Variants in ZNF782 observed in about 807,000 individuals in gnomAD.
ZNF782 encodes the protein zinc finger protein 782.
In ZNF782, 12 loss-of-function variants were observed where a neutral mutation model predicts 13.0. The observed-to-expected ratio is 0.92, with a 90% CI of 0.59 to 1.50. The LOEUF (loss-of-function observed/expected upper bound fraction) is 1.50. Ranked by LOEUF, ZNF782 falls within the 40% of genes most tolerant of loss-of-function variation. The probability of loss-of-function intolerance (pLI) is 0.00; values close to 1 mark genes in which losing one functional copy is unlikely to be tolerated. For missense variants in ZNF782, 770 were observed against 822.9 expected, an observed-to-expected ratio of 0.94 and a Z score of 0.79; for synonymous variants, 284 against 283.0, an observed-to-expected ratio of 1.00 and a Z score of -0.04.
At chr9:96,903,422 A>T in the ZNF782 span, among the ~76,000 whole-genome samples, 2 of 151,668 alleles carry the variant, frequency 1.3e-5, no homozygotes, top group Non-Finnish European at 2.9e-5. Flanking sequence ...TGTACCAAAG[A>T]TTACTTACTC....
upstream of ZNF782, among the ~76,000 whole-genome samples, chr9:96,875,900 C>T (rs1851887170): frequency 6.6e-6 from 1 of 152,244 alleles, no homozygotes; most frequent in African/African-American, 2.4e-5. Context: ...CATGCGCAGA[C>T]GTCATCCAGA....
upstream of ZNF782, among the ~76,000 whole-genome samples, chr9:96,859,445 G>A (rs964109945): frequency 5.3e-5 from 8 of 152,140 alleles, no homozygotes; most frequent in African/African-American, 1.9e-4. Context: ...GTAGGAGGGG[G>A]CACTGGTCAG....
At chr9:96,881,091 T>C in the ZNF782 span, among the ~76,000 whole-genome samples, 1 of 152,102 alleles carries the variant, frequency 6.6e-6, no homozygotes, top group Non-Finnish European at 1.5e-5. Context: ...GCTTTTAATG[T>C]CTGTAGGTTC....
At chr9:96,884,168 G>A in the ZNF782 span, among the ~76,000 whole-genome samples, 1 of 152,234 alleles carries the variant, frequency 6.6e-6, no homozygotes, top group South Asian at 2.1e-4. Context: ...GCAGAAGTGG[G>A]TGGCAGGAGG....
In ZNF782 at chr9:96,874,189, CTG is replaced by C. The variant is rs1851864436; in HGVS notation, c.-457+1277_-457+1278del. 2.0e-5 allele frequency among the ~76,000 whole-genome samples: 3 copies of C among 152,314 alleles called. 1 individual carries two copies. The highest frequency in any genetic ancestry group is 7.2e-5 in the African/African-American group (3 of 41,558). On this transcript the variant is annotated intron_variant, in intron 1 of 5. Coordinates refer to the ZNF782 transcript ENST00000498811. The stretch of plus-strand genomic sequence containing the variant: ...TGGACCTGTGACGGACTAAATGGCA[CTG>C]TGTTTGACTCGTGGATCTGACACAA...
the ZNF782 span, chr9:96,894,605 C>T: frequency 6.6e-6 from 1 of 152,232 alleles, no homozygotes; most frequent in African/African-American, 2.4e-5. Flanking sequence ...CTCTCTCCCT[C>T]GCTGTAAAAT....
chr9:96,832,205 T>C (rs1046581026), intron 4 of ZNF782, among the ~76,000 whole-genome samples: 2 of 152,224 alleles, frequency 1.3e-5, no homozygotes, highest in African/African-American at 4.8e-5. Context: ...CACAGTTCAC[T>C]GTGACAAGTG....
In ZNF782 at chr9:96,819,514, T is replaced by C. The variant is rs1301506932; in HGVS notation, c.509A>G (p.Lys170Arg). The C allele has an allele frequency of 1.9e-6, 3 of 1,613,220 alleles. No homozygotes were observed. The highest frequency in any genetic ancestry group is 2.2e-5 in the South Asian group (2 of 90,758). Residue 170 changes from lysine to arginine, a missense_variant, in exon 6 of 6, where the codon AAA (lysine) becomes AGA (arginine). Physicochemically the swap from Lys to Arg is conservative, Grantham distance 26. Transcript: ENST00000481138. The part of the protein sequence containing the change: ...EKAHERNVCD[K>R]WLISIKDGRT... ...GCCATCCTTAATACTGATGAGCCATTTGTCACAAACATTACGCTCATGAGC... is the reference window on the plus strand; with the variant it reads ...GCCATCCTTAATACTGATGAGCCATCTGTCACAAACATTACGCTCATGAGC...
chr9:96,842,678 C>T (rs1057335042), intron 4 of ZNF782, among the ~76,000 whole-genome samples: 1 of 152,074 alleles, frequency 6.6e-6, no homozygotes, highest in Non-Finnish European at 1.5e-5. Context: ...GATAGGACAA[C>T]ATTTTTACAA....
chr9:96,892,653 CTTTAA>C, the ZNF782 span: 12 of 150,656 alleles, frequency 8.0e-5, no homozygotes, highest in East Asian at 1.5e-3. Context: ...TTTATGAGTT[CTTTAA>C]TTTTTTTTCT....
the ZNF782 span, among the ~76,000 whole-genome samples, chr9:96,930,410 G>C: frequency 6.6e-6 from 1 of 151,770 alleles, no homozygotes; most frequent in South Asian, 2.1e-4. Context: ...TGTAATCCCA[G>C]CTACTCAGGA....
chr9:96,922,407 C>T, the ZNF782 span, among the ~76,000 whole-genome samples: 1 of 152,186 alleles, frequency 6.6e-6, no homozygotes. Context: ...CTTCATTCTA[C>T]TTTCTATGTC....
chr9:96,823,210 T>C (rs1197280124), intron 5 of ZNF782, among the ~76,000 whole-genome samples: 2 of 152,340 alleles, frequency 1.3e-5, no homozygotes, highest in African/African-American at 4.8e-5. Context: ...AATGAATAGC[T>C]ATGGCTGTGT....
chr9:96,920,415 C>CA, the ZNF782 span, among the ~76,000 whole-genome samples: 1 of 149,784 alleles, frequency 6.7e-6, no homozygotes, highest in African/African-American at 2.4e-5. Context: ...TACAGGCGCC[C>CA]ACCACCATGC....
the ZNF782 span, chr9:96,889,141 T>C: frequency 6.6e-6 from 1 of 152,228 alleles, no homozygotes; most frequent in African/African-American, 2.4e-5. Flanking sequence ...CTTATTTCTT[T>C]CTACATTACT....
chr9:96,856,635 T>A (rs1045963836), upstream of ZNF782, among the ~76,000 whole-genome samples: 1 of 152,232 alleles, frequency 6.6e-6, no homozygotes, highest in Admixed American at 6.5e-5. Flanking sequence ...CCATAACCCT[T>A]TCCTAAAGCT....
the ZNF782 span, among the ~76,000 whole-genome samples, chr9:96,917,586 C>T: frequency 6.6e-6 from 1 of 151,876 alleles, no homozygotes; most frequent in East Asian, 1.9e-4. Flanking sequence ...CGCCCACCAC[C>T]ACGCCCAGCT....
rs972176994 is a variant in ZNF782, at chr9:96,851,809, C to G, written c.15+138G>C. On this transcript the variant is annotated intron_variant, in intron 3 of 5. Coordinates refer to ENST00000481138, the MANE Select transcript of ZNF782 (RefSeq NM_001001662.3). Reference sequence around the variant, plus strand: ...CTACTAACCCTGACAAAGCTGACAGCAGAGTTCATGGTGAAACTGTATATA... The same window carrying G: ...CTACTAACCCTGACAAAGCTGACAGGAGAGTTCATGGTGAAACTGTATATA... 7 of 868,302 alleles carry G rather than the reference C, an allele frequency of 8.1e-6. No individual in the cohort carries two copies. In the African/African-American group the frequency reaches 1.2e-4, roughly 15 times the overall value. The allele number at this position is 868,302 out of a possible 1,614,324, so 53.8% of individuals were successfully genotyped here.
intron 5 of ZNF782, among the ~76,000 whole-genome samples, chr9:96,822,389 C>T (rs1850453615): frequency 6.6e-6 from 1 of 152,186 alleles, no homozygotes; most frequent in African/African-American, 2.4e-5. Context: ...ACATTCATAG[C>T]TATGTGCTCT....
Sources: allele counts gnomAD v4.1 joint callset (sites outside exome capture counted in the v4.1 genomes callset), GRCh38; gene constraint gnomAD v4.1.1; transcripts MANE v1.5; gene names NCBI Gene and HGNC (gene_info 2026-07-23, HGNC 2026-07-21).